GLI2: variants seen among roughly 807,000 people sequenced by gnomAD.
GLI2 encodes the protein transcription activator GLI2.
Under a neutral mutation model 78.9 loss-of-function variants are expected in GLI2, and 22 were observed. That is an observed-to-expected ratio of 0.28 (90% confidence interval 0.20 to 0.40). The LOEUF is 0.40. GLI2 is among the 10% of genes least tolerant of loss of function. The pLI is 1.00. For synonymous variants in GLI2, 974 were observed against 963.7 expected, an observed-to-expected ratio of 1.01 and a Z score of -0.20; for missense variants, 2,097 against 2,213.2, an observed-to-expected ratio of 0.95 and a Z score of 1.05.
rs1391979376 is a variant in GLI2, at chr2:120,881,421, CAGGT to C, written c.149-45936_149-45933del. 9.0e-5 allele frequency among the ~76,000 whole-genome samples: 7 copies of C among 77,428 alleles called. No individual in the cohort carries two copies. In the Admixed American group the frequency reaches 9.2e-4, roughly 10 times the overall value. 50.8% of individuals were successfully genotyped at this position (77,428 alleles called of 152,430 possible). A position where few individuals can be genotyped will look rare whatever the true frequency, so the allele number is the denominator to read the frequency against. On this transcript the variant is annotated intron_variant, in intron 2 of 13. Transcript: ENST00000361492. ...GGGGGGAGGACAGGTGAGGGGAGGA[CAGGT>C]AGGGGAGGGCAGGAGTGGGAGGACT...
intron 2 of GLI2, among the ~76,000 whole-genome samples, chr2:120,806,000 A>G (rs931737611): frequency 2.6e-5 from 4 of 152,236 alleles, no homozygotes; most frequent in African/African-American, 9.6e-5. Context: ...GACACAGCTA[A>G]TGCTGTGTTT....
chr2:120,806,262 C>T (rs1684945170), intron 2 of GLI2, among the ~76,000 whole-genome samples: 1 of 152,172 alleles, frequency 6.6e-6, no homozygotes, highest in Non-Finnish European at 1.5e-5. Context: ...TTGGTGGGGG[C>T]TGTGGGGCAC....
chr2:120,865,599 G>T (rs537540190), intron 2 of GLI2, among the ~76,000 whole-genome samples: 1 of 152,302 alleles, frequency 6.6e-6, no homozygotes, highest in South Asian at 2.1e-4. Flanking sequence ...GGGAGCGTTG[G>T]GGTTGAGCTT....
chr2:120,777,586 C>T (rs1683720232), intron 1 of GLI2, among the ~76,000 whole-genome samples: 1 of 151,568 alleles, frequency 6.6e-6, no homozygotes, highest in Non-Finnish European at 1.5e-5. Flanking sequence ...CAGACATTGC[C>T]TCTGGGGGGC....
At position 120,988,280 on chromosome 2, in the gene GLI2, C is replaced by T. The variant is rs1374131711; in HGVS notation, c.2315C>T (p.Ser772Leu). 2 of 1,566,064 alleles carry T rather than the reference C, an allele frequency of 1.3e-6. No homozygotes were observed. ...PAGLLPNPRL[S>L]ELSASEVTML... is the part of the protein sequence containing the mutation. ...GGGCTGCTGCCGAACCCGCGGCTGTCGGAGCTGTCCGCGAGCGAGGTGACC... is the reference window on the plus strand; with the variant it reads ...GGGCTGCTGCCGAACCCGCGGCTGTTGGAGCTGTCCGCGAGCGAGGTGACC... The change falls in exon 14 of 14, where the codon TCG becomes TTG. Residue 772 changes from serine to leucine, a missense_variant. Coordinates refer to ENST00000361492, the MANE Select transcript of GLI2 (RefSeq NM_001374353.1).
rs553655805 is a variant in GLI2 at position 120,911,534 on chromosome 2, G to T, written c.149-15827G>T. Among the ~76,000 whole-genome samples the T allele has an allele frequency of 2.6e-5, 4 of 152,270 alleles. No individual in the cohort carries two copies. The East Asian group carries it at 7.7e-4, about 29-fold the overall frequency. ...CCTCGGTCCTAAATTAATTTAGACT[G>T]ACAGTCGGTAGCTACTGGCCACCCT... On this transcript the variant is annotated intron_variant, in intron 2 of 13. Transcript: ENST00000361492.
intron 3 of GLI2, among the ~76,000 whole-genome samples, chr2:120,950,594 G>A (rs1027862765): frequency 6.6e-6 from 1 of 152,218 alleles, no homozygotes; most frequent in African/African-American, 2.4e-5. Flanking sequence ...GAGAAGGGTG[G>A]TTCTGTTAGC....
chr2:120,884,685 G>A (rs980012327), intron 2 of GLI2, among the ~76,000 whole-genome samples: 9 of 152,254 alleles, frequency 5.9e-5, no homozygotes, highest in Middle Eastern at 3.4e-3. Context: ...CTGGGTCCCC[G>A]CAGTTCACCC....
At chr2:120,984,802 A>G in intron 12 of GLI2, 59 bp downstream of exon 12, 1 of 1,568,886 alleles carries the variant, frequency 6.4e-7, no homozygotes, top group Non-Finnish European at 8.7e-7. Context: ...GCCCAGGGCC[A>G]CCCCTTGCCA....
In GLI2 at chr2:120,920,253, G is replaced by A. The variant is rs539297311; in HGVS notation, c.149-7108G>A. Reference sequence around the variant, plus strand: ...TCTCTGCCGTGGAACAGGCCCTCAGGCTTCTCTGGGAGCCCAGCCACGGGG... The same window carrying A: ...TCTCTGCCGTGGAACAGGCCCTCAGACTTCTCTGGGAGCCCAGCCACGGGG... On this transcript the variant is annotated intron_variant, in intron 2 of 13. Coordinates refer to ENST00000361492, the MANE Select transcript of GLI2 (RefSeq NM_001374353.1). Among the ~76,000 whole-genome samples the A allele has an allele frequency of 1.7e-4, 26 of 152,370 alleles. No individual in the cohort carries two copies. The South Asian group carries it at 4.6e-3, about 27-fold the overall frequency.
chr2:120,859,321 T>G (rs1212943347), intron 2 of GLI2, among the ~76,000 whole-genome samples: 1 of 152,228 alleles, frequency 6.6e-6, no homozygotes, highest in East Asian at 1.9e-4. Flanking sequence ...CCTTTTGTCT[T>G]GGAATGTCAT....
At chr2:120,901,876 C>A (rs1367481865) in intron 2 of GLI2, among the ~76,000 whole-genome samples, 2 of 152,180 alleles carry the variant, frequency 1.3e-5, no homozygotes, top group Admixed American at 6.5e-5. Context: ...TCACAACACT[C>A]TTTTCAGCAT....
chr2:120,913,708 T>C (rs1015663515), intron 2 of GLI2, among the ~76,000 whole-genome samples: 1 of 152,230 alleles, frequency 6.6e-6, no homozygotes, highest in Non-Finnish European at 1.5e-5. Flanking sequence ...CCCCTGTTGA[T>C]TGCAGAAAGA....
intron 2 of GLI2, among the ~76,000 whole-genome samples, chr2:120,895,882 A>G (rs1677918296): frequency 6.6e-6 from 1 of 152,150 alleles, no homozygotes; most frequent in African/African-American, 2.4e-5. Flanking sequence ...TGTGGTTGCT[A>G]TGGTTTTCTA....
At chr2:120,981,981 A>G (rs1196921525) in intron 10 of GLI2, among the ~76,000 whole-genome samples, 2 of 152,226 alleles carry the variant, frequency 1.3e-5, no homozygotes, top group Non-Finnish European at 2.9e-5. Flanking sequence ...CAAAATGATT[A>G]AGATCATTAT....
intron 2 of GLI2, among the ~76,000 whole-genome samples, chr2:120,908,457 G>T (rs1272509578): frequency 6.6e-6 from 1 of 152,152 alleles, no homozygotes; most frequent in Non-Finnish European, 1.5e-5. Flanking sequence ...TCTGCTTCCC[G>T]TGCAGACTCA....
At chr2:120,924,666 G>C (rs1427275709) in intron 2 of GLI2, among the ~76,000 whole-genome samples, 1 of 152,158 alleles carries the variant, frequency 6.6e-6, no homozygotes, top group Non-Finnish European at 1.5e-5. Context: ...AGCGAACACT[G>C]TTTCCCTGCT....
At chr2:120,972,751 G>A in intron 8 of GLI2, 1 of 504,782 alleles carries the variant, frequency 2.0e-6, no homozygotes, top group South Asian at 1.5e-5. Flanking sequence ...GAGGGGGGAA[G>A]ACAGGACAAG....
At chr2:120,810,052 G>C (rs983322745) in intron 2 of GLI2, among the ~76,000 whole-genome samples, 1 of 152,252 alleles carries the variant, frequency 6.6e-6, no homozygotes, top group African/African-American at 2.4e-5. Context: ...AGCCCCAGGG[G>C]CGGGGGCCCT....
Sources: gnomAD v4.1 joint callset for allele counts (sites outside exome capture counted in the v4.1 genomes callset) on GRCh38, gnomAD v4.1.1 for gene constraint, MANE v1.5 for transcripts, NCBI Gene and HGNC (gene_info 2026-07-23, HGNC 2026-07-21) for gene names.